RAB11FIP4: variants seen among roughly 807,000 people sequenced by gnomAD.
The protein encoded by RAB11FIP4 is RAB11 family interacting protein 4.
A neutral mutation model predicts 74.3 loss-of-function variants in RAB11FIP4; 23 were observed. That is an observed-to-expected ratio of 0.31 (90% CI 0.22 to 0.44). The LOEUF is 0.44. RAB11FIP4 is among the 20% of genes least tolerant of loss of function. RAB11FIP4 has a pLI of 1.00. For synonymous variants in RAB11FIP4, 360 were observed against 359.9 expected (o/e 1.00, Z 0.00); for missense variants, 630 against 863.9 (o/e 0.73, Z 3.39).
chr17:31,501,481 T>G (rs777427082), intron 3 of RAB11FIP4, among the ~76,000 whole-genome samples: 31 of 152,358 alleles, frequency 2.0e-4, no homozygotes, highest in Non-Finnish European at 4.3e-4. Flanking sequence ...AAGTGTTTTA[T>G]GTCCCACGCA....
At chr17:31,432,666 T>C (rs998577526) in intron 2 of RAB11FIP4, among the ~76,000 whole-genome samples, 5 of 152,176 alleles carry the variant, frequency 3.3e-5, no homozygotes, top group African/African-American at 1.2e-4. Flanking sequence ...TGCCCTCTCT[T>C]CCTCTTAATT....
chr17:31,402,913 C>T (rs575031416), intron 1 of RAB11FIP4, among the ~76,000 whole-genome samples: 10 of 152,238 alleles, frequency 6.6e-5, no homozygotes, highest in Non-Finnish European at 1.5e-4. Context: ...GCGTGAGCCA[C>T]CGCGCCTGGC....
chr17:31,422,137 T>C (rs566114686), intron 1 of RAB11FIP4, among the ~76,000 whole-genome samples: 18 of 152,116 alleles, frequency 1.2e-4, no homozygotes, highest in Non-Finnish European at 1.5e-5. Flanking sequence ...ATCACACCGC[T>C]GCACTCCAGC....
At chr17:31,477,244 C>T (rs974901882) in intron 3 of RAB11FIP4, among the ~76,000 whole-genome samples, 21 of 152,220 alleles carry the variant, frequency 1.4e-4, no homozygotes, top group African/African-American at 4.3e-4. Flanking sequence ...ACTGTCATCC[C>T]GCCTCTCAGG....
chr17:31,416,192 A>G (rs756455358), intron 1 of RAB11FIP4, among the ~76,000 whole-genome samples: 29 of 152,264 alleles, frequency 1.9e-4, no homozygotes, highest in South Asian at 1.9e-3. Context: ...CCTGGGCGCC[A>G]CTAATTGCGG....
Position 31,521,575 on chromosome 17 carries a change from C to T in RAB11FIP4, c.758+215C>T, listed in dbSNP as rs571646774. Among the ~76,000 whole-genome samples, 8 of 152,194 alleles carry T rather than the reference C, an allele frequency of 5.3e-5. No individual in the cohort carries two copies. In the East Asian group the frequency reaches 7.7e-4, roughly 15 times the overall value. On this transcript the variant is annotated intron_variant, in intron 5 of 14. Transcript: ENST00000621161. ...ATTAACTGACCTAGGAGGCTGCACACTGGGGGCCACGGGGCTCTGTGTCAT... is the reference window on the plus strand; with the variant it reads ...ATTAACTGACCTAGGAGGCTGCACATTGGGGGCCACGGGGCTCTGTGTCAT...
chr17:31,465,036 G>A (rs1392974324), intron 3 of RAB11FIP4, among the ~76,000 whole-genome samples: 3 of 152,154 alleles, frequency 2.0e-5, no homozygotes, highest in Non-Finnish European at 4.4e-5. Context: ...TGGGATTACA[G>A]GTGTGAGCTA....
At chr17:31,493,174 TTAATTGATC>T (rs540357232) in intron 3 of RAB11FIP4, among the ~76,000 whole-genome samples, 77 of 152,334 alleles carry the variant, frequency 5.1e-4, no homozygotes, top group African/African-American at 1.8e-3. Context: ...GGTCACATTT[TTAATTGATC>T]TAACCTGCTT....
chr17:31,398,467 G>A (rs1233861818), intron 1 of RAB11FIP4, among the ~76,000 whole-genome samples: 1 of 152,180 alleles, frequency 6.6e-6, no homozygotes, highest in African/African-American at 2.4e-5. Context: ...GCCATGGGGG[G>A]TGGGGGGTGT....
At chr17:31,471,181 A>G (rs958871850) in intron 3 of RAB11FIP4, among the ~76,000 whole-genome samples, 1 of 150,626 alleles carries the variant, frequency 6.6e-6, no homozygotes, top group African/African-American at 2.4e-5. Context: ...TTCCACCCCA[A>G]CCTCCTGTGT....
intron 1 of RAB11FIP4, among the ~76,000 whole-genome samples, chr17:31,418,424 T>C (rs2151622540): frequency 6.6e-6 from 1 of 151,348 alleles, no homozygotes; most frequent in African/African-American, 2.4e-5. Context: ...AATAAAAATT[T>C]AAAGTCAGAT....
intron 13 of RAB11FIP4, 22 bp from the exon 14 acceptor site, chr17:31,530,304 G>C (rs750757550): frequency 6.2e-7 from 1 of 1,611,826 alleles, no homozygotes; most frequent in Non-Finnish European, 8.5e-7. Flanking sequence ...GGTTGATGTC[G>C]CCTTCGTCCT....
At chr17:31,415,275 C>G (rs748529741) in intron 1 of RAB11FIP4, among the ~76,000 whole-genome samples, 12 of 152,206 alleles carry the variant, frequency 7.9e-5, no homozygotes, top group Non-Finnish European at 1.8e-4. Context: ...AGGGGGCGCT[C>G]TACGTGGACA....
At chr17:31,401,913 C>T (rs1223481366) in intron 1 of RAB11FIP4, among the ~76,000 whole-genome samples, 1 of 152,162 alleles carries the variant, frequency 6.6e-6, no homozygotes, top group African/African-American at 2.4e-5. Context: ...GAGCTGAAAT[C>T]TATCTCCTAG....
intron 3 of RAB11FIP4, among the ~76,000 whole-genome samples, chr17:31,452,078 C>T (rs78627315): frequency 0.014 from 2,187 of 152,242 alleles, 22 homozygotes; most frequent in Non-Finnish European, 0.02. Flanking sequence ...AAATTATTAA[C>T]TATAATTTCC....
intron 3 of RAB11FIP4, among the ~76,000 whole-genome samples, chr17:31,443,050 G>A (rs143417042): frequency 4.3e-4 from 66 of 152,156 alleles, no homozygotes; most frequent in African/African-American, 1.5e-3. Flanking sequence ...TCAGGATTGC[G>A]TCAGATTCCT....
At position 31,521,183 on chromosome 17, in the gene RAB11FIP4, C is replaced by T. The variant is rs1434417585; in HGVS notation, c.581C>T (p.Pro194Leu). ...ACCCTCAGGTCCCTGGTCCACACTC[C>T]ATCCATGACGACCTCAGACCTTTCT... ...LPEDKSLVHT[P>L]SMTTSDLSTH... is the part of the protein sequence containing the mutation. The change falls in exon 5 of 15, where the codon CCA becomes CTA. Residue 194 changes from proline (P) to leucine (L), a missense_variant. Physicochemically the swap from Pro to Leu is moderately conservative, Grantham distance 98. Coordinates refer to ENST00000621161, the MANE Select transcript of RAB11FIP4 (RefSeq NM_032932.6). 2 of 1,601,156 alleles carry T rather than the reference C, an allele frequency of 1.2e-6. No individual in the cohort carries two copies. Among genetic ancestry groups the T allele is most frequent in the Non-Finnish European group, 1.7e-6 (2 of 1,171,996 alleles).
intron 3 of RAB11FIP4, among the ~76,000 whole-genome samples, chr17:31,442,544 G>A (rs1848045276): frequency 6.6e-6 from 1 of 152,222 alleles, no homozygotes; most frequent in South Asian, 2.1e-4. Flanking sequence ...CAGTGGCAGA[G>A]CTGAAAAGCT....
At chr17:31,504,478 G>A (rs2072280450) in intron 3 of RAB11FIP4, among the ~76,000 whole-genome samples, 1 of 152,112 alleles carries the variant, frequency 6.6e-6, no homozygotes, top group Non-Finnish European at 1.5e-5. Flanking sequence ...ATGTTGGCCA[G>A]GATGGTCTTG....
Sources: gnomAD v4.1 joint callset for allele counts (sites outside exome capture counted in the v4.1 genomes callset) on GRCh38, gnomAD v4.1.1 for gene constraint, MANE v1.5 for transcripts, NCBI Gene and HGNC (gene_info 2026-07-23, HGNC 2026-07-21) for gene names.